DOCK10: variants seen among roughly 807,000 people sequenced by gnomAD.
DOCK10 encodes dedicator of cytokinesis 10, also known as dedicator of cytokinesis protein 10.
A neutral mutation model predicts 280.1 loss-of-function variants in DOCK10; 145 were observed. The observed-to-expected ratio is 0.52, with a 90% CI of 0.45 to 0.59. The LOEUF is 0.59. Among genes scored for constraint, DOCK10 ranks in the 20% least tolerant of loss-of-function variants. The pLI is 0.00. For synonymous variants in DOCK10, 915 were observed against 942.2 expected (o/e 0.97, Z 0.53); for missense variants, 2,368 against 2,651.7 (o/e 0.89, Z 2.35).
chr2:224,893,948 A>G (rs1365716768), intron 4 of DOCK10, among the ~76,000 whole-genome samples: 1 of 152,182 alleles, frequency 6.6e-6, no homozygotes, highest in Non-Finnish European at 1.5e-5. Flanking sequence ...TTAGCTTTGT[A>G]AAATCATTTT....
intron 51 of DOCK10, among the ~76,000 whole-genome samples, chr2:224,775,363 T>C (rs2124992716): frequency 6.6e-6 from 1 of 152,384 alleles, no homozygotes. Flanking sequence ...CTCTTCCAGA[T>C]GTGCCTGGCT....
At chr2:224,775,311 C>T (rs1690762715) in intron 51 of DOCK10, among the ~76,000 whole-genome samples, 196 bp from the exon 52 acceptor site, 1 of 152,142 alleles carries the variant, frequency 6.6e-6, no homozygotes, top group African/African-American at 2.4e-5. Context: ...GCAGCCAGGT[C>T]TGTAGGGGTG....
At chr2:224,880,162 A>G (rs1698897148) in intron 7 of DOCK10, among the ~76,000 whole-genome samples, 1 of 152,246 alleles carries the variant, frequency 6.6e-6, no homozygotes, top group African/African-American at 2.4e-5. Context: ...CTTCAACAAT[A>G]TAATCACAAA....
chr2:224,880,169 C>T (rs1296408200), intron 7 of DOCK10, among the ~76,000 whole-genome samples: 1 of 152,150 alleles, frequency 6.6e-6, no homozygotes, highest in Non-Finnish European at 1.5e-5. Context: ...AATATAATCA[C>T]AAATATTCTT....
chr2:224,779,534 G>GGAAAT (rs1691149468), intron 50 of DOCK10, among the ~76,000 whole-genome samples: 1 of 152,166 alleles, frequency 6.6e-6, no homozygotes, highest in South Asian at 2.1e-4. Context: ...TGACCCATAA[G>GGAAAT]GAAATGCCTT....
At chr2:224,949,046 G>A (rs1257151039) in intron 1 of DOCK10, among the ~76,000 whole-genome samples, 2 of 152,190 alleles carry the variant, frequency 1.3e-5, no homozygotes, top group East Asian at 3.9e-4. Context: ...GCAAAAAGAG[G>A]CATCACCCGG....
At chr2:224,768,575 T>G (rs1008933176) in intron 55 of DOCK10, among the ~76,000 whole-genome samples, 2 of 152,234 alleles carry the variant, frequency 1.3e-5, no homozygotes, top group African/African-American at 4.8e-5. Context: ...TATTTTTGTT[T>G]TAGCAGTTTT....
intron 1 of DOCK10, among the ~76,000 whole-genome samples, chr2:224,963,200 A>G (rs1366044373): frequency 6.6e-6 from 1 of 152,142 alleles, no homozygotes; most frequent in Non-Finnish European, 1.5e-5. Context: ...GCTGGCATGG[A>G]GTCTGGAACC....
intron 1 of DOCK10, among the ~76,000 whole-genome samples, chr2:224,973,837 C>G (rs1450290696): frequency 6.6e-6 from 1 of 152,186 alleles, no homozygotes; most frequent in Non-Finnish European, 1.5e-5. Context: ...TGGCAAGTGA[C>G]TCAGACCCAC....
chr2:224,995,456 T>C (rs926410105), intron 1 of DOCK10, among the ~76,000 whole-genome samples: 1 of 152,238 alleles, frequency 6.6e-6, no homozygotes, highest in African/African-American at 2.4e-5. Context: ...GAACACCTAT[T>C]ATCTATCTCA....
intron 1 of DOCK10, among the ~76,000 whole-genome samples, chr2:224,953,537 A>C (rs1314178855): frequency 2.6e-5 from 4 of 152,194 alleles, no homozygotes; most frequent in Non-Finnish European, 4.4e-5. Context: ...ACTCAGGCTC[A>C]CTGCTTCCTG....
At chr2:224,972,432 A>G (rs1705143074) in intron 1 of DOCK10, among the ~76,000 whole-genome samples, 1 of 152,196 alleles carries the variant, frequency 6.6e-6, no homozygotes, top group East Asian at 1.9e-4. Context: ...TATGGCTTGC[A>G]TTCATTCATT....
Position 224,831,387 on chromosome 2 carries a change from G to T in DOCK10, c.2965-775C>A, listed in dbSNP as rs79097749. 7.7e-3 allele frequency among the ~76,000 whole-genome samples: 1,170 copies of T among 152,326 alleles called. 18 individuals carry two copies. The highest frequency in any genetic ancestry group is 0.024 in the African/African-American group (1,010 of 41,584). On this transcript the variant is annotated intron_variant, in intron 26 of 55. Transcript: ENST00000258390. The stretch of plus-strand genomic sequence containing the variant: ...AATATGTTTGATCCTCCTACCTCGA[G>T]AAACAAAACTTCATAACACCTTGGA...
intron 2 of DOCK10, among the ~76,000 whole-genome samples, chr2:224,927,152 C>A (rs1702081808): frequency 6.6e-6 from 1 of 152,090 alleles, no homozygotes; most frequent in Non-Finnish European, 1.5e-5. Context: ...TAGGAACCAG[C>A]TATACAGAGA....
At position 224,970,072 on chromosome 2, in the gene DOCK10, T is replaced by C. The variant is rs1471860856; in HGVS notation, c.124-38404A>G. Among the ~76,000 whole-genome samples, 1 of 152,066 alleles carries C rather than the reference T, an allele frequency of 6.6e-6. No individual in the cohort carries two copies. The highest frequency in any genetic ancestry group is 1.9e-4 in the East Asian group (1 of 5,172). Reference sequence around the variant, plus strand: ...GTCTTTTTGAGCAACTCTGTTCACCTGATGAGTGTTCTATTTAATATTCTA... The same window carrying C: ...GTCTTTTTGAGCAACTCTGTTCACCCGATGAGTGTTCTATTTAATATTCTA... On this transcript the variant is annotated intron_variant, in intron 1 of 55. Coordinates refer to ENST00000258390, the MANE Select transcript of DOCK10 (RefSeq NM_014689.3). The surrounding 1 kb of genome is among the most constrained non-coding windows in gnomAD (Gnocchi z 4.6).
chr2:224,874,536 G>T, intron 9 of DOCK10, 130 bp downstream of exon 9: 1 of 996,786 alleles, frequency 1.0e-6, no homozygotes, highest in East Asian at 2.4e-5. Flanking sequence ...AAAACACATA[G>T]GTTAACGGGA....
In DOCK10 at chr2:224,794,991, A is replaced by G; in HGVS notation, c.5042T>C (p.Leu1681Pro). Residue 1681 changes from leucine (L) to proline (P), a missense_variant, in exon 45 of 56, where the codon CTG (leucine) becomes CCG (proline). This residue lies in a region of DOCK10 where 1,159 missense variants were observed against 1,400.8 expected (regional missense o/e 0.83). Transcript: ENST00000258390. ...TGCCAGGCTGTACTGGAGATCCACC[A>G]GCATCTCGGGGTCCTTCTCGTGCTC... ...MKEHEKDPEM[L>P]VDLQYSLANS... 1 of 1,613,410 alleles carries G rather than the reference A, an allele frequency of 6.2e-7. No homozygotes were observed. Among genetic ancestry groups the G allele is most frequent in the Non-Finnish European group, 8.5e-7 (1 of 1,179,666 alleles).
chr2:225,027,371 C>T (rs1689946617), intron 1 of DOCK10, among the ~76,000 whole-genome samples: 2 of 152,152 alleles, frequency 1.3e-5, no homozygotes, highest in Non-Finnish European at 2.9e-5. Flanking sequence ...ATAATGAACA[C>T]GGATGTAGCT....
At chr2:224,961,898 G>A (rs1414353263) in intron 1 of DOCK10, among the ~76,000 whole-genome samples, 1 of 152,166 alleles carries the variant, frequency 6.6e-6, no homozygotes. Flanking sequence ...GAAAACTAGT[G>A]AGATAGAATT....
Sources: gnomAD v4.1 joint callset for allele counts (sites outside exome capture counted in the v4.1 genomes callset) on GRCh38, gnomAD v4.1.1 for gene constraint, gnomAD v4.1.1 regional missense constraint, Gnocchi (gnomAD v3.1) non-coding constraint, MANE v1.5 for transcripts, NCBI Gene and HGNC (gene_info 2026-07-23, HGNC 2026-07-21) for gene names.